NCOA3: variants seen among roughly 807,000 people sequenced by gnomAD.
NCOA3 encodes the protein nuclear receptor coactivator 3.
In NCOA3, 51 loss-of-function variants were observed where a neutral mutation model predicts 158.8. That is an observed-to-expected ratio of 0.32 (90% CI 0.26 to 0.41). The LOEUF is 0.41. Ranked by LOEUF, NCOA3 falls within the 10% of genes least tolerant of loss-of-function variation. The pLI is 1.00. For missense variants in NCOA3, 1,510 were observed against 1,746.6 expected, an observed-to-expected ratio of 0.86 and a Z score of 2.41; for synonymous variants, 537 against 592.4, an observed-to-expected ratio of 0.91 and a Z score of 1.36.
At chr20:47,511,550 T>TATATATATATACACACAC in intron 1 of NCOA3, among the ~76,000 whole-genome samples, 2 of 52,268 alleles carry the variant, frequency 3.8e-5, no homozygotes, top group Non-Finnish European at 8.0e-5. Context: ...TATATATATA[T>TATATATATATACACACAC]ATATATTTCT....
At chr20:47,582,158 A>C (rs1362160489) in intron 1 of NCOA3, among the ~76,000 whole-genome samples, 1 of 152,156 alleles carries the variant, frequency 6.6e-6, no homozygotes, top group Non-Finnish European at 1.5e-5. Context: ...ACAAACTGTG[A>C]CAGAGTACAT....
Position 47,639,933 on chromosome 20 carries a change from G to A in NCOA3, c.2962G>A (p.Glu988Lys), listed in dbSNP as rs764419596. The change falls in exon 16 of 23, where the codon GAA (glutamate) becomes AAA (lysine). Residue 988 changes from glutamate to lysine, a missense_variant. Transcript: ENST00000371998. ...QQQMLQMRPG[E>K]IPMGMGANPY... Reference sequence around the variant, plus strand: ...TCTTTTTGCTCCCCCAGGGCCTGGTGAAATCCCCATGGGAATGGGGGCTAA... The same window carrying A: ...TCTTTTTGCTCCCCCAGGGCCTGGTAAAATCCCCATGGGAATGGGGGCTAA... 6.2e-7 allele frequency: 1 copy of A among 1,614,184 alleles called. No homozygotes were observed. The highest frequency in any genetic ancestry group is 1.1e-5 in the South Asian group (1 of 91,078).
chr20:47,584,613 T>G (rs2085505389), intron 2 of NCOA3, among the ~76,000 whole-genome samples: 1 of 134,182 alleles, frequency 7.5e-6, no homozygotes, highest in East Asian at 2.1e-4. Context: ...GAGTGAGACT[T>G]CATCTCAAAA....
chr20:47,556,009 A>G (rs1190986115), intron 1 of NCOA3, among the ~76,000 whole-genome samples: 3 of 139,720 alleles, frequency 2.1e-5, no homozygotes, highest in African/African-American at 8.2e-5. Context: ...ATCTTGGCTC[A>G]CTGCAATCTC....
In NCOA3 at chr20:47,501,943, G is replaced by C. The variant is rs1335574720; in HGVS notation, c.-175G>C. On this transcript the variant is annotated 5_prime_UTR_variant, in exon 1 of 23. Coordinates refer to ENST00000371998, the MANE Select transcript of NCOA3 (RefSeq NM_181659.3). The stretch of plus-strand genomic sequence containing the variant: ...CGGCAGCGGCTGCGGCTTAGTCGGT[G>C]GCGGCCGGCGGCGGCTGCGGGCTGA... 4 of 400,866 alleles carry C rather than the reference G, an allele frequency of 1.0e-5. No homozygotes were observed. The highest frequency in any genetic ancestry group is 1.3e-5 in the Non-Finnish European group (3 of 227,714). The allele number at this position is 400,866 out of a possible 1,614,324, so 24.8% of individuals were successfully genotyped here.
chr20:47,639,263 A>T, intron 14 of NCOA3, 61 bp downstream of exon 14: 1 of 1,360,854 alleles, frequency 7.3e-7, no homozygotes, highest in Admixed American at 2.0e-5. Context: ...AAAATACTTA[A>T]AGCCATCTAA....
chr20:47,625,593 T>C, intron 5 of NCOA3, 112 bp downstream of exon 5: 2 of 741,602 alleles, frequency 2.7e-6, no homozygotes, highest in Non-Finnish European at 4.6e-6. Context: ...AAAGAAAACA[T>C]TTTTTTCTTT....
chr20:47,582,066 G>A (rs1333524975), intron 1 of NCOA3, among the ~76,000 whole-genome samples: 1 of 152,118 alleles, frequency 6.6e-6, no homozygotes, highest in African/African-American at 2.4e-5. Flanking sequence ...ACCCCCACAA[G>A]TTCAGAGTAC....
At chr20:47,505,003 G>GTCTTT (rs2084004453) in intron 1 of NCOA3, among the ~76,000 whole-genome samples, 1 of 28,550 alleles carries the variant, frequency 3.5e-5, no homozygotes, top group Non-Finnish European at 5.4e-5. Context: ...TGGGTTTTTG[G>GTCTTT]TTTTTTTTTT....
intron 1 of NCOA3, among the ~76,000 whole-genome samples, chr20:47,581,206 T>C (rs1422482943): frequency 6.6e-6 from 1 of 152,208 alleles, no homozygotes; most frequent in African/African-American, 2.4e-5. Context: ...AAATGAATTT[T>C]ATGTTTGGAC....
rs537201849 is a variant in NCOA3, at chr20:47,546,891, C to T, written c.-98-36292C>T. Among the ~76,000 whole-genome samples the T allele has an allele frequency of 1.1e-4, 16 of 152,208 alleles. No individual in the cohort carries two copies. The South Asian group carries it at 3.3e-3, about 32-fold the overall frequency. On this transcript the variant is annotated intron_variant, in intron 1 of 22. Coordinates refer to ENST00000371998, the MANE Select transcript of NCOA3 (RefSeq NM_181659.3). ...CTGTCTTCCTTGTTCATTCTTGATC[C>T]AGTACCGTTCTTCATCCAGTGCAGG... is the stretch of plus-strand genomic sequence containing the variant.
intron 21 of NCOA3, among the ~76,000 whole-genome samples, 164 bp downstream of exon 21, chr20:47,652,744 C>G (rs944134758): frequency 6.6e-6 from 1 of 152,158 alleles, no homozygotes; most frequent in Non-Finnish European, 1.5e-5. Context: ...TTCAAGCACG[C>G]ACATATCTAT....
intron 17 of NCOA3, among the ~76,000 whole-genome samples, chr20:47,643,369 T>C (rs1337029650): frequency 1.3e-5 from 2 of 152,232 alleles, no homozygotes; most frequent in East Asian, 1.9e-4. Flanking sequence ...GCTGTCACAG[T>C]GCAGATGGGA....
chr20:47,589,538 G>T (rs1228339106), intron 2 of NCOA3, among the ~76,000 whole-genome samples: 1 of 151,758 alleles, frequency 6.6e-6, no homozygotes, highest in Non-Finnish European at 1.5e-5. Context: ...ACTAAGCCCA[G>T]CTAATTTTTT....
At chr20:47,615,630 C>G (rs1459886671) in intron 2 of NCOA3, among the ~76,000 whole-genome samples, 1 of 152,144 alleles carries the variant, frequency 6.6e-6, no homozygotes, top group African/African-American at 2.4e-5. Context: ...AGTTCATTTT[C>G]TAACAATTTA....
chr20:47,622,888 G>A (rs2086264616), intron 3 of NCOA3: 1 of 152,180 alleles, frequency 6.6e-6, no homozygotes. Flanking sequence ...TCAAGTTAGG[G>A]TGGGGCAGAA....
At chr20:47,528,958 G>A (rs1326554760) in intron 1 of NCOA3, among the ~76,000 whole-genome samples, 1 of 151,870 alleles carries the variant, frequency 6.6e-6, no homozygotes, top group Non-Finnish European at 1.5e-5. Flanking sequence ...TAGAGAAGGG[G>A]GTTTCTCCAC....
In NCOA3 at chr20:47,642,564, A is replaced by G. The variant is rs548057785; in HGVS notation, c.3252+180A>G. ...ATATCCTTTTTTGGTCTCAATTCGTATGTTAAAATAGAAAATATACTTACG... is the reference window on the plus strand; with the variant it reads ...ATATCCTTTTTTGGTCTCAATTCGTGTGTTAAAATAGAAAATATACTTACG... On this transcript the variant is annotated intron_variant, in intron 17 of 22. Coordinates refer to ENST00000371998, the MANE Select transcript of NCOA3 (RefSeq NM_181659.3). 2.6e-5 allele frequency among the ~76,000 whole-genome samples: 4 copies of G among 152,304 alleles called. No individual in the cohort carries two copies. In the East Asian group the frequency reaches 5.8e-4, roughly 22 times the overall value.
chr20:47,570,971 A>C (rs1410489611), intron 1 of NCOA3, among the ~76,000 whole-genome samples: 5 of 69,652 alleles, frequency 7.2e-5, no homozygotes, highest in Non-Finnish European at 1.3e-4. Context: ...CACACACACA[A>C]GTATATACAT....
Sources: allele counts gnomAD v4.1 joint callset (sites outside exome capture counted in the v4.1 genomes callset), GRCh38; gene constraint gnomAD v4.1.1; transcripts MANE v1.5; gene names NCBI Gene and HGNC (gene_info 2026-07-23, HGNC 2026-07-21).